USP53: variants seen among roughly 807,000 people sequenced by gnomAD.
USP53 encodes the protein ubiquitin carboxyl-terminal hydrolase 53.
USP53 carries 71 observed loss-of-function variants against 94.9 expected under a neutral mutation model. That is an observed-to-expected ratio of 0.75 (90% CI 0.62 to 0.91). USP53 has a LOEUF of 0.91. Ranked by LOEUF, USP53 falls within the 40% of genes least tolerant of loss-of-function variation. The probability of loss-of-function intolerance (pLI) is 0.00; values close to 1 mark genes in which losing one functional copy is unlikely to be tolerated. For synonymous variants in USP53, 375 were observed against 422.7 expected (o/e 0.89, Z 1.39); for missense variants, 1,173 against 1,281.0 (o/e 0.92, Z 1.29).
At chr4:119,288,104 TGGTTATGTCTTATATA>T (rs374457404) in intron 17 of USP53, among the ~76,000 whole-genome samples, 29 of 152,314 alleles carry the variant, frequency 1.9e-4, no homozygotes, top group South Asian at 8.3e-4. Flanking sequence ...GCTTTTGTTA[TGGTTATGTCTTATATA>T]GGTTATGTCT....
At chr4:119,234,654 C>A (rs1746497747) in intron 3 of USP53, among the ~76,000 whole-genome samples, 1 of 152,156 alleles carries the variant, frequency 6.6e-6, no homozygotes, top group Non-Finnish European at 1.5e-5. Context: ...TAACATTCTA[C>A]AAACATGATT....
At position 119,240,789 on chromosome 4, in the gene USP53, G is replaced by A. The variant is rs146129362; in HGVS notation, c.144+886G>A. Among the ~76,000 whole-genome samples, 119 of 152,272 alleles carry A rather than the reference G, an allele frequency of 7.8e-4. 1 individual carries two copies. Among genetic ancestry groups the A allele is most frequent in the African/African-American group, 2.8e-3 (116 of 41,570 alleles). On this transcript the variant is annotated intron_variant, in intron 5 of 18. Coordinates refer to ENST00000692078, the MANE Select transcript of USP53 (RefSeq NM_001371395.1). Reference sequence around the variant, plus strand: ...CAGTTGCCTTCTACCTGAGACAGATGCCAAACTTGAACGTTCTCTAACTCA... The same window carrying A: ...CAGTTGCCTTCTACCTGAGACAGATACCAAACTTGAACGTTCTCTAACTCA...
intron 3 of USP53, among the ~76,000 whole-genome samples, chr4:119,226,575 C>T (rs1255090302): frequency 1.3e-5 from 2 of 151,934 alleles, no homozygotes; most frequent in Non-Finnish European, 2.9e-5. Flanking sequence ...AACCTGTACA[C>T]CTAAATTAGC....
At chr4:119,269,060 G>A (rs1351809748) in intron 14 of USP53, among the ~76,000 whole-genome samples, 1 of 152,158 alleles carries the variant, frequency 6.6e-6, no homozygotes, top group Non-Finnish European at 1.5e-5. Flanking sequence ...AGGGTAGTAA[G>A]ATTGAGAATT....
At chr4:119,281,120 A>G (rs1263637231) in intron 17 of USP53, among the ~76,000 whole-genome samples, 1 of 152,232 alleles carries the variant, frequency 6.6e-6, no homozygotes, top group Non-Finnish European at 1.5e-5. Context: ...TGGGATTATT[A>G]TAGGCGATTT....
chr4:119,221,174 G>A (rs778230101), intron 3 of USP53: 2 of 152,124 alleles, frequency 1.3e-5, no homozygotes, highest in Non-Finnish European at 2.9e-5. Context: ...ATCAATGAGA[G>A]AATCTTTGTC....
intron 4 of USP53, among the ~76,000 whole-genome samples, chr4:119,235,876 A>G (rs1259631252): frequency 6.6e-6 from 1 of 152,130 alleles, no homozygotes; most frequent in African/African-American, 2.4e-5. Flanking sequence ...ACCATCCCAC[A>G]TTATATATAC....
chr4:119,250,970 T>C (rs555797326), intron 7 of USP53, among the ~76,000 whole-genome samples: 1 of 152,172 alleles, frequency 6.6e-6, no homozygotes, highest in African/African-American at 2.4e-5. Context: ...TTTTGTTACA[T>C]AGGTATACAC....
rs372405059 is a variant in USP53 at position 119,239,771 on chromosome 4, A to G, written c.12A>G (p.Val4=). 50 of 1,611,284 alleles carry G rather than the reference A, an allele frequency of 3.1e-5. No homozygotes were observed. The highest frequency in any genetic ancestry group is 4.0e-5 in the Non-Finnish European group (47 of 1,179,052). ...AAAGTTGCTTGAAAATGGCATGGGT[A>G]AAATTCTTACGGAAACCTGGTGGCA... is the stretch of plus-strand genomic sequence containing the variant. MAW[V]KFLRKPGGNL... Residue 4 remains valine, a synonymous_variant, in exon 5 of 19, where the codon GTA becomes GTG. Transcript: ENST00000692078.
intron 17 of USP53, among the ~76,000 whole-genome samples, chr4:119,275,608 C>A (rs1323245766): frequency 5.0e-4 from 76 of 151,138 alleles, no homozygotes; most frequent in African/African-American, 1.7e-3. Flanking sequence ...TATGAACTTT[C>A]AAGTAGTTTT....
chr4:119,213,209 T>G (rs1179367547), intron 1 of USP53: 2 of 152,876 alleles, frequency 1.3e-5, no homozygotes, highest in African/African-American at 4.8e-5. Context: ...GCTGGAGTCC[T>G]GCTGGGATTG....
chr4:119,277,664 T>G (rs1259242857), intron 17 of USP53, among the ~76,000 whole-genome samples: 1 of 147,138 alleles, frequency 6.8e-6, no homozygotes, highest in Non-Finnish European at 1.5e-5. Context: ...TGGTTGACTT[T>G]CTGTCTCGTT....
intron 17 of USP53, among the ~76,000 whole-genome samples, chr4:119,290,266 G>C (rs1754598537): frequency 6.6e-6 from 1 of 152,068 alleles, no homozygotes; most frequent in Non-Finnish European, 1.5e-5. Context: ...GAAGACACTT[G>C]GAAGTAACAA....
intron 17 of USP53, among the ~76,000 whole-genome samples, chr4:119,285,010 TTTTG>T (rs1753922366): frequency 6.6e-6 from 1 of 151,928 alleles, no homozygotes; most frequent in African/African-American, 2.4e-5. Flanking sequence ...TTGCGTTTTG[TTTTG>T]TTTGTTTTCA....
rs573960026 is a variant in USP53, at chr4:119,282,393, A to G, written c.2251+8685A>G. Among the ~76,000 whole-genome samples the G allele has an allele frequency of 1.7e-3, 261 of 152,138 alleles. 4 individuals carry two copies. The highest frequency in any genetic ancestry group is 5.6e-4 in the Non-Finnish European group (38 of 67,932). On this transcript the variant is annotated intron_variant, in intron 17 of 18. Coordinates refer to ENST00000692078, the MANE Select transcript of USP53 (RefSeq NM_001371395.1). ...GTTTAATGTTTTCAAGAACTGCTGT[A>G]CTATTTTTACAGCAGCTGCACCATT...
rs1405891381 is a variant in USP53, at chr4:119,249,001, C to T, written c.372+119C>T. The T allele has an allele frequency of 3.2e-6, 4 of 1,252,788 alleles. No homozygotes were observed. In the African/African-American group the frequency reaches 4.5e-5, roughly 14 times the overall value. The allele number at this position is 1,252,788 out of a possible 1,614,324, so 77.6% of individuals were successfully genotyped here. ...ACAATAGAAAAATGTCAAAACTGTC[C>T]AGTAGATCCATATCTTACCCATCCT... On this transcript the variant is annotated intron_variant, in intron 7 of 18. Coordinates refer to ENST00000692078, the MANE Select transcript of USP53 (RefSeq NM_001371395.1).
chr4:119,263,866 T>C (rs1009167019), intron 12 of USP53, among the ~76,000 whole-genome samples: 1 of 151,938 alleles, frequency 6.6e-6, no homozygotes, highest in Non-Finnish European at 1.5e-5. Flanking sequence ...GGTCAAGAGA[T>C]CAAGAGCATC....
chr4:119,241,975 C>T (rs1214568897), intron 5 of USP53, among the ~76,000 whole-genome samples: 1 of 151,984 alleles, frequency 6.6e-6, no homozygotes, highest in African/African-American at 2.4e-5. Flanking sequence ...TAATCTTTTC[C>T]TTTGCATTGC....
At chr4:119,220,720 TATTC>T (rs1429452117) in intron 3 of USP53, 1 of 152,206 alleles carries the variant, frequency 6.6e-6, no homozygotes, top group Non-Finnish European at 1.5e-5. Context: ...AGGAAAAAAT[TATTC>T]ATGACAATTG....
Sources: allele counts gnomAD v4.1 joint callset (sites outside exome capture counted in the v4.1 genomes callset), GRCh38; gene constraint gnomAD v4.1.1; transcripts MANE v1.5; gene names NCBI Gene and HGNC (gene_info 2026-07-23, HGNC 2026-07-21).